The following SYT13 variants were observed in gnomAD, a reference collection of about 807,000 sequenced individuals.
SYT13 encodes synaptotagmin 13, also known as synaptotagmin-13.
SYT13 carries 21 observed loss-of-function variants against 38.6 expected under a neutral mutation model. The ratio of observed to expected loss-of-function variants is 0.54; its 90% CI spans 0.39 to 0.78. SYT13 has a LOEUF of 0.78. Among genes scored for constraint, SYT13 ranks in the 30% least tolerant of loss-of-function variants. The pLI is 0.00. For synonymous variants in SYT13, 241 were observed against 237.6 expected (o/e 1.01, Z -0.13); for missense variants, 495 against 548.7 (o/e 0.90, Z 0.98).
chr11:45,253,360 TG>T (rs1326397047), intron 3 of SYT13, among the ~76,000 whole-genome samples: 1 of 152,324 alleles, frequency 6.6e-6, no homozygotes, highest in Non-Finnish European at 1.5e-5. Context: ...GTCCTGGCTC[TG>T]TCACCAGTTA....
intron 1 of SYT13, among the ~76,000 whole-genome samples, chr11:45,278,711 AGAAGGAACTAGGG>A (rs531809520): frequency 4.7e-4 from 72 of 152,324 alleles, no homozygotes; most frequent in African/African-American, 1.7e-3. Flanking sequence ...CTGTACCCAA[AGAAGGAACTAGGG>A]GAGGAAGGGA....
chr11:45,256,375 A>T (rs912742662), intron 1 of SYT13, among the ~76,000 whole-genome samples: 2 of 147,558 alleles, frequency 1.4e-5, no homozygotes, highest in African/African-American at 5.3e-5. Flanking sequence ...GCTCATCTCC[A>T]GTCACTGAGC....
intron 1 of SYT13, among the ~76,000 whole-genome samples, chr11:45,281,966 T>C (rs1000148865): frequency 1.3e-5 from 2 of 152,206 alleles, no homozygotes; most frequent in African/African-American, 4.8e-5. Flanking sequence ...TACTCCCAAT[T>C]CTTTAGGTTG....
chr11:45,252,346 C>G lies in SYT13; in HGVS notation c.846+75G>C. On this transcript the variant is annotated intron_variant, in intron 4 of 5. Transcript: ENST00000020926. The surrounding 1 kb of genome is among the most constrained non-coding windows in gnomAD (Gnocchi z 4.3). ...AGGCTTGTTCCCTAAGACTGAGTTG[C>G]TGGGAGGACACCAGGTTCTGCCATC... is the stretch of plus-strand genomic sequence containing the variant. The G allele has an allele frequency of 5.4e-6, 8 of 1,479,676 alleles. No individual in the cohort carries two copies. Among genetic ancestry groups the G allele is most frequent in the Non-Finnish European group, 7.2e-6 (8 of 1,111,836 alleles). The allele number at this position is 1,479,676 out of a possible 1,614,324, so 91.7% of individuals were successfully genotyped here.
chr11:45,286,219 C>T lies in SYT13; in HGVS notation c.-12G>A. The stretch of plus-strand genomic sequence containing the variant: ...ACCGACAGCACCATGGTGCCCGCTC[C>T]CGGCGAGGGGCTGGGTCCCGCAGCC... On this transcript the variant is annotated 5_prime_UTR_variant, in exon 1 of 6. Transcript: ENST00000020926. The T allele has an allele frequency of 6.5e-7, 1 of 1,535,456 alleles. No individual in the cohort carries two copies. Among genetic ancestry groups the T allele is most frequent in the Non-Finnish European group, 8.7e-7 (1 of 1,143,126 alleles).
At position 45,256,765 on chromosome 11, in the gene SYT13, C is replaced by T. The variant is rs189956590; in HGVS notation, c.184-874G>A. On this transcript the variant is annotated intron_variant, in intron 1 of 5. Transcript: ENST00000020926. The stretch of plus-strand genomic sequence containing the variant: ...CAAAGCCCACTGCCCCTATGGCTCT[C>T]GATGTTTGTCCTGCCTTCAAATCTT... Among the ~76,000 whole-genome samples, 6 of 152,322 alleles carry T rather than the reference C, an allele frequency of 3.9e-5. No individual in the cohort carries two copies. In the East Asian group the frequency reaches 7.7e-4, roughly 20 times the overall value.
intron 1 of SYT13, among the ~76,000 whole-genome samples, chr11:45,271,542 G>T (rs1159702945): frequency 6.6e-6 from 1 of 152,136 alleles, no homozygotes; most frequent in Non-Finnish European, 1.5e-5. Flanking sequence ...GAGTTGGAAA[G>T]GAATGGTGAG....
chr11:45,273,513 T>G (rs540173279), intron 1 of SYT13, among the ~76,000 whole-genome samples: 1 of 145,714 alleles, frequency 6.9e-6, no homozygotes, highest in Non-Finnish European at 1.5e-5. Flanking sequence ...GGGGAAGAAG[T>G]AGGTTTGGGG....
At chr11:45,266,599 G>C (rs1854884807) in intron 1 of SYT13, among the ~76,000 whole-genome samples, 1 of 152,076 alleles carries the variant, frequency 6.6e-6, no homozygotes, top group Admixed American at 6.5e-5. Flanking sequence ...AAGAAACTGA[G>C]AGAGATCCTC....
chr11:45,279,158 A>G (rs530009704), intron 1 of SYT13, among the ~76,000 whole-genome samples: 1 of 152,368 alleles, frequency 6.6e-6, no homozygotes, highest in South Asian at 2.1e-4. Flanking sequence ...TCTGAAGCCA[A>G]ATTTTGTAAA....
In SYT13 at chr11:45,240,897, A is replaced by T. The variant is rs1488709969; in HGVS notation, c.*3155T>A. 6.6e-6 allele frequency: 1 copy of T among 152,252 alleles called. No homozygotes were observed. Among genetic ancestry groups the T allele is most frequent in the East Asian group, 1.9e-4 (1 of 5,200 alleles). 9.4% of individuals were successfully genotyped at this position (152,252 alleles called of 1,614,324 possible). ...GTGTTCCTTTCGAAAATGATGAGATACTTCACACAGGCTCAGTTACTATAA... is the reference window on the plus strand; with the variant it reads ...GTGTTCCTTTCGAAAATGATGAGATTCTTCACACAGGCTCAGTTACTATAA... On this transcript the variant is annotated 3_prime_UTR_variant, in exon 6 of 6. Coordinates refer to ENST00000020926, the MANE Select transcript of SYT13 (RefSeq NM_020826.3).
rs1854584818 is a variant in SYT13, at chr11:45,244,061, C to T, written c.1272G>A (p.Leu424=). 6.3e-7 allele frequency: 1 copy of T among 1,598,324 alleles called. No individual in the cohort carries two copies. The change falls in exon 6 of 6, where the codon CTG becomes CTA. Residue 424 remains leucine, a synonymous_variant. Transcript: ENST00000020926. The part of the protein sequence containing the change: ...PRRQIAMWHQ[L]HL ...GCAGCTGGGCAGCTGGTTACAGGTG[C>T]AGCTGGTGCCACATGGCAATCTGCC...
At chr11:45,246,314 C>T (rs1167143580) in intron 5 of SYT13, 69 bp downstream of exon 5, 3 of 1,577,594 alleles carry the variant, frequency 1.9e-6, no homozygotes, top group African/African-American at 1.4e-5. Flanking sequence ...TCCTCCCAGG[C>T]ACCACCTCCC....
rs200476352 is a variant in SYT13, at chr11:45,252,706, G to A, written c.561C>T (p.His187=). The change falls in exon 4 of 6, where the codon CAC becomes CAT. Residue 187 remains histidine, a synonymous_variant. Transcript: ENST00000020926. The surrounding 1 kb of genome is among the most constrained non-coding windows in gnomAD (Gnocchi z 4.3). ...VTRLEAVTSN[H]DGGCDCYVQG... ...GGACGTAGCAGTCACAGCCTCCGTC[G>A]TGGTTGCTGGTCACAGCTGCAGGCA... 73 of 1,577,672 alleles carry A rather than the reference G, an allele frequency of 4.6e-5. No homozygotes were observed. In the South Asian group the frequency reaches 4.9e-4, roughly 11 times the overall value.
At chr11:45,245,626 T>C (rs1854605037) in intron 5 of SYT13, among the ~76,000 whole-genome samples, 1 of 152,230 alleles carries the variant, frequency 6.6e-6, no homozygotes, top group Non-Finnish European at 1.5e-5. Context: ...TGGCTTCCAG[T>C]CCAGGTATTA....
intron 1 of SYT13, among the ~76,000 whole-genome samples, chr11:45,279,806 TC>T (rs1328910943): frequency 6.6e-6 from 1 of 151,932 alleles, no homozygotes; most frequent in East Asian, 1.9e-4. Context: ...TCCATGGAGG[TC>T]AGACCTTACA....
rs150469000 is a variant in SYT13, at chr11:45,244,300, T to C, written c.1033A>G (p.Thr345Ala). 1 of 1,614,038 alleles carries C rather than the reference T, an allele frequency of 6.2e-7. No homozygotes were observed. Among genetic ancestry groups the C allele is most frequent in the Non-Finnish European group, 8.5e-7 (1 of 1,180,028 alleles). ...TTGATCTTGTGCTTAGCTCGTTTAG[T>C]CTGCTTCTTCTTCAGCTTCCGAGCC... ...HQARKLKKKQ[T>A]KRAKHKINPV... Residue 345 changes from threonine (T) to alanine (A), a missense_variant, in exon 6 of 6, where the codon ACT becomes GCT. Transcript: ENST00000020926.
intron 5 of SYT13, among the ~76,000 whole-genome samples, chr11:45,246,119 G>A (rs1333933705): frequency 6.6e-6 from 1 of 152,208 alleles, no homozygotes; most frequent in Non-Finnish European, 1.5e-5. Context: ...CTCCAAGGTA[G>A]GGAACCCCAG....
At chr11:45,264,840 A>G (rs78362271) in intron 1 of SYT13, among the ~76,000 whole-genome samples, 4,100 of 152,300 alleles carry the variant, frequency 0.027, 194 homozygotes, top group African/African-American at 0.093. Context: ...AAGACTGACA[A>G]CACTAGTGTG....
Sources: gnomAD v4.1 joint callset for allele counts (sites outside exome capture counted in the v4.1 genomes callset) on GRCh38, gnomAD v4.1.1 for gene constraint, Gnocchi (gnomAD v3.1) non-coding constraint, MANE v1.5 for transcripts, NCBI Gene and HGNC (gene_info 2026-07-23, HGNC 2026-07-21) for gene names.